Variants in EPHA3 observed in about 807,000 individuals in gnomAD.
EPHA3 encodes EPH receptor A3.
Under a neutral mutation model 107.1 loss-of-function variants are expected in EPHA3, and 42 were observed. The ratio of observed to expected loss-of-function variants is 0.39; its 90% CI spans 0.31 to 0.51. The LOEUF is 0.51. Among genes scored for constraint, EPHA3 ranks in the 20% least tolerant of loss-of-function variants. The pLI is 0.78. For synonymous variants in EPHA3, 461 were observed against 424.8 expected (o/e 1.09, Z -1.05); for missense variants, 1,183 against 1,211.2 (o/e 0.98, Z 0.35).
chr3:89,422,192 AACAC>A (rs56370135), intron 11 of EPHA3, among the ~76,000 whole-genome samples: 6,068 of 140,262 alleles, frequency 0.043, 130 homozygotes, highest in South Asian at 0.055. Context: ...TGTTGTATTT[AACAC>A]ACACACACAC....
chr3:89,380,527 T>G (rs2107483516), intron 5 of EPHA3, among the ~76,000 whole-genome samples: 1 of 152,266 alleles, frequency 6.6e-6, no homozygotes, highest in Non-Finnish European at 1.5e-5. Flanking sequence ...CTTTTCTTAC[T>G]TATACGAATG....
chr3:89,133,480 G>C (rs1704248429), intron 2 of EPHA3, among the ~76,000 whole-genome samples: 1 of 152,088 alleles, frequency 6.6e-6, no homozygotes, highest in Admixed American at 6.5e-5. Flanking sequence ...TCTGTGCTTC[G>C]GGATTCGACG....
intron 15 of EPHA3, among the ~76,000 whole-genome samples, chr3:89,453,434 T>G (rs1363620521): frequency 6.6e-6 from 1 of 152,156 alleles, no homozygotes; most frequent in African/African-American, 2.4e-5. Context: ...ATACTTTTTC[T>G]TATATATTTT....
At chr3:89,437,699 A>G (rs1267598396) in intron 13 of EPHA3, among the ~76,000 whole-genome samples, 2 of 152,206 alleles carry the variant, frequency 1.3e-5, no homozygotes, top group East Asian at 3.9e-4. Context: ...GTTGAAATAC[A>G]TGGAATCCAA....
At chr3:89,141,638 G>A (rs967763752) in intron 2 of EPHA3, among the ~76,000 whole-genome samples, 11 of 151,458 alleles carry the variant, frequency 7.3e-5, no homozygotes, top group Non-Finnish European at 1.3e-4. Context: ...TAATACTAAG[G>A]CTTTCGCCTG....
Position 89,180,850 on chromosome 3 carries a change from T to C in EPHA3, c.154-29010T>C, listed in dbSNP as rs1705428662. ...GCATATGGGACTACTCTGGCAAGTT[T>C]AGTTTGTGTAATTTGCTAAGACTTG... On this transcript the variant is annotated intron_variant, in intron 2 of 16. Transcript: ENST00000336596. 2.6e-5 allele frequency among the ~76,000 whole-genome samples: 4 copies of C among 151,990 alleles called. No individual in the cohort carries two copies. In the South Asian group the frequency reaches 8.3e-4, roughly 31 times the overall value.
rs1395266648 is a variant in EPHA3, at chr3:89,341,816, C to A, written c.1032C>A (p.Asp344Glu). 1 of 1,613,948 alleles carries A rather than the reference C, an allele frequency of 6.2e-7. No individual in the cohort carries two copies. Among genetic ancestry groups the A allele is most frequent in the Non-Finnish European group, 8.5e-7 (1 of 1,179,984 alleles). The change falls in exon 5 of 17, where the codon GAC becomes GAA. Residue 344 changes from aspartate (D) to glutamate (E), a missense_variant. Transcript: ENST00000336596. ...SNINETSVIL[D>E]WSWPLDTGGR... ...TAAACGAGACCTCAGTTATCCTGGA[C>A]TGGAGTTGGCCCCTGGACACAGGAG...
intron 3 of EPHA3, among the ~76,000 whole-genome samples, chr3:89,335,087 A>G (rs190656927): frequency 1.9e-3 from 286 of 152,322 alleles, no homozygotes; most frequent in Non-Finnish European, 2.0e-3. Context: ...GACTTTTATT[A>G]CTATAAGACA....
intron 2 of EPHA3, 82 bp from the exon 3 acceptor site, chr3:89,209,778 A>G: frequency 8.5e-7 from 1 of 1,170,536 alleles, no homozygotes; most frequent in Non-Finnish European, 1.2e-6. Flanking sequence ...TTTATTATAT[A>G]GAGATGGCTC....
chr3:89,285,256 T>C (rs1040804688), intron 3 of EPHA3, among the ~76,000 whole-genome samples: 7 of 152,232 alleles, frequency 4.6e-5, no homozygotes, highest in African/African-American at 1.4e-4. Flanking sequence ...TCCATCTCTC[T>C]CAATATTTTG....
At chr3:89,372,014 A>T (rs903682536) in intron 5 of EPHA3, among the ~76,000 whole-genome samples, 2 of 150,192 alleles carry the variant, frequency 1.3e-5, no homozygotes, top group African/African-American at 5.0e-5. Context: ...TTAAAAAAAA[A>T]AATAAAACCA....
intron 6 of EPHA3, among the ~76,000 whole-genome samples, 157 bp downstream of exon 6, chr3:89,396,118 G>A (rs554807416): frequency 1.3e-5 from 2 of 152,184 alleles, no homozygotes; most frequent in African/African-American, 4.8e-5. Flanking sequence ...GGTAGAGGAA[G>A]GTTTAGAAAG....
intron 5 of EPHA3, among the ~76,000 whole-genome samples, chr3:89,359,725 A>G (rs1030686274): frequency 6.8e-6 from 1 of 146,418 alleles, no homozygotes; most frequent in Non-Finnish European, 1.5e-5. Flanking sequence ...ATATATATAT[A>G]CATACATATA....
chr3:89,353,800 G>C (rs1707885539), intron 5 of EPHA3, among the ~76,000 whole-genome samples: 1 of 151,210 alleles, frequency 6.6e-6, no homozygotes, highest in Non-Finnish European at 1.5e-5. Context: ...TGAGCTTAGA[G>C]GCCATAACAA....
intron 3 of EPHA3, among the ~76,000 whole-genome samples, chr3:89,315,653 A>G (rs1407408355): frequency 1.3e-5 from 2 of 150,886 alleles, no homozygotes; most frequent in Non-Finnish European, 3.0e-5. Flanking sequence ...CCACTTAACC[A>G]TCTCAGCTTA....
intron 2 of EPHA3, among the ~76,000 whole-genome samples, chr3:89,206,789 A>G (rs1367639306): frequency 2.0e-5 from 3 of 152,306 alleles, no homozygotes; most frequent in East Asian, 1.9e-4. Context: ...TATTACATAC[A>G]TATAGAGTGG....
intron 3 of EPHA3, among the ~76,000 whole-genome samples, chr3:89,278,458 C>G (rs574928399): frequency 4.1e-3 from 619 of 152,226 alleles, no homozygotes; most frequent in Non-Finnish European, 5.9e-3. Context: ...TCCCTTTGCT[C>G]TCAGTGTCTG....
At chr3:89,190,188 A>G (rs1466360495) in intron 2 of EPHA3, among the ~76,000 whole-genome samples, 5 of 152,138 alleles carry the variant, frequency 3.3e-5, no homozygotes, top group Admixed American at 3.3e-4. Context: ...TATTTTTTTA[A>G]CACTTACTAA....
chr3:89,390,785 A>ATTTTTTTTTTT (rs528841771), intron 5 of EPHA3, among the ~76,000 whole-genome samples: 3 of 132,104 alleles, frequency 2.3e-5, no homozygotes, highest in Admixed American at 7.7e-5. Flanking sequence ...ATTGAAAAGC[A>ATTTTTTTTTTT]TTTTTTTTTT....
Sources: gnomAD v4.1 joint callset for allele counts (sites outside exome capture counted in the v4.1 genomes callset) on GRCh38, gnomAD v4.1.1 for gene constraint, MANE v1.5 for transcripts, NCBI Gene and HGNC (gene_info 2026-07-23, HGNC 2026-07-21) for gene names.